The following KAZN variants were observed in gnomAD, a reference collection of about 807,000 sequenced individuals.
The protein encoded by KAZN is kazrin.
In KAZN, 40 loss-of-function variants were observed where a neutral mutation model predicts 87.4. That is an observed-to-expected ratio of 0.46 (90% CI 0.36 to 0.60). The LOEUF is 0.60. Ranked by LOEUF, KAZN falls within the 20% of genes least tolerant of loss-of-function variation. The probability of loss-of-function intolerance (pLI) is 0.00; values close to 1 mark genes in which losing one functional copy is unlikely to be tolerated. For missense variants in KAZN, 898 were observed against 1,073.9 expected, an observed-to-expected ratio of 0.84 and a Z score of 2.29; for synonymous variants, 466 against 458.3, an observed-to-expected ratio of 1.02 and a Z score of -0.22.
At chr1:13,968,611 A>G (rs1642027580) in intron 1 of KAZN, among the ~76,000 whole-genome samples, 1 of 152,200 alleles carries the variant, frequency 6.6e-6, no homozygotes, top group Non-Finnish European at 1.5e-5. Flanking sequence ...TGTGGAGGCT[A>G]ACAAGGACCT....
intron 2 of KAZN, among the ~76,000 whole-genome samples, chr1:14,260,874 G>A (rs1239691193): frequency 6.6e-6 from 1 of 152,194 alleles, no homozygotes; most frequent in African/African-American, 2.4e-5. Context: ...CTGGTAAAGT[G>A]AGGAGTTGGA....
intron 1 of KAZN, among the ~76,000 whole-genome samples, chr1:13,904,051 G>A (rs1337278724): frequency 2.6e-5 from 4 of 152,150 alleles, no homozygotes; most frequent in African/African-American, 4.8e-5. Flanking sequence ...AATGTGGAAA[G>A]GTCTATTTGG....
intron 2 of KAZN, among the ~76,000 whole-genome samples, chr1:14,501,298 C>A (rs1193899317): frequency 6.6e-6 from 1 of 151,926 alleles, no homozygotes; most frequent in Non-Finnish European, 1.5e-5. Context: ...AAAAAAGTAT[C>A]CAGATTGGAA....
At chr1:14,515,845 TCTGTTCATGC>T (rs1671270862) in intron 2 of KAZN, among the ~76,000 whole-genome samples, 1 of 152,064 alleles carries the variant, frequency 6.6e-6, no homozygotes, top group South Asian at 2.1e-4. Flanking sequence ...TGGAAATGCT[TCTGTTCATGC>T]ATTGGGTCCC....
At chr1:15,030,842 A>G (rs1270648128) in intron 2 of KAZN, among the ~76,000 whole-genome samples, 1 of 152,230 alleles carries the variant, frequency 6.6e-6, no homozygotes. Flanking sequence ...AGGAGAGGAC[A>G]GATCCAGCTG....
intron 8 of KAZN, among the ~76,000 whole-genome samples, chr1:15,083,227 G>A (rs1640089705): frequency 6.6e-6 from 1 of 152,210 alleles, no homozygotes; most frequent in Non-Finnish European, 1.5e-5. Flanking sequence ...ACTCAAGCCT[G>A]TGCAGCCCCT....
intron 1 of KAZN, among the ~76,000 whole-genome samples, chr1:14,801,119 G>A (rs1315930363): frequency 6.6e-6 from 1 of 151,968 alleles, no homozygotes; most frequent in Non-Finnish European, 1.5e-5. Context: ...AAGAGGAGCC[G>A]TTCTAATCGT....
intron 1 of KAZN, among the ~76,000 whole-genome samples, chr1:14,012,295 A>G (rs936017136): frequency 1.4e-4 from 22 of 152,248 alleles, no homozygotes; most frequent in Non-Finnish European, 2.6e-4. Flanking sequence ...CAACCACCTG[A>G]ACCAGTGTGC....
chr1:14,173,663 G>T (rs777995223), intron 1 of KAZN, among the ~76,000 whole-genome samples: 4 of 82,604 alleles, frequency 4.8e-5, no homozygotes, highest in Non-Finnish European at 1.0e-4. Context: ...TCCCCTCCCC[G>T]CCCCGCCCCG....
chr1:14,190,633 T>C (rs1408346845), intron 2 of KAZN, among the ~76,000 whole-genome samples: 3 of 152,156 alleles, frequency 2.0e-5, no homozygotes, highest in African/African-American at 7.2e-5. Flanking sequence ...GACACCAAGA[T>C]ACCTTGCATA....
Position 14,035,462 on chromosome 1 carries a change from CT to C in KAZN, c.91+141719del, listed in dbSNP as rs770587340. On this transcript the variant is annotated intron_variant, in intron 1 of 16. Transcript: ENST00000636203. The stretch of plus-strand genomic sequence containing the variant: ...GAAGTTTCTTTTGCCTTTTTTTCTT[CT>C]TTTTTTTTTTTTCTGAGACAGGTCC... 1.9e-3 allele frequency among the ~76,000 whole-genome samples: 273 copies of C among 144,188 alleles called. 2 individuals are homozygous for C. The East Asian group carries it at 0.022, about 11-fold the overall frequency. The allele number at this position is 144,188 out of a possible 152,430, so 94.6% of individuals were successfully genotyped here.
rs1423910209 is a variant in KAZN, at chr1:15,065,622, C to A, written c.1099-8C>A. On this transcript the variant is annotated splice_polypyrimidine_tract_variant and splice_region_variant and intron_variant, in intron 7 of 14. Transcript: ENST00000376030. Reference sequence around the variant, plus strand: ...CCACCCTCTTCCACGTGGCTCCTGACTCCTCAGTCACTAGAGGATCTTGAA... The same window carrying A: ...CCACCCTCTTCCACGTGGCTCCTGAATCCTCAGTCACTAGAGGATCTTGAA... 1.2e-6 allele frequency: 2 copies of A among 1,602,962 alleles called. No homozygotes were observed. The highest frequency in any genetic ancestry group is 1.7e-6 in the Non-Finnish European group (2 of 1,172,602).
At chr1:14,312,694 A>C (rs566003343) in intron 2 of KAZN, among the ~76,000 whole-genome samples, 31 of 152,204 alleles carry the variant, frequency 2.0e-4, no homozygotes, top group African/African-American at 7.0e-4. Flanking sequence ...AAGTGATGAG[A>C]TATCACTTGA....
intron 2 of KAZN, among the ~76,000 whole-genome samples, chr1:14,471,596 A>C (rs182251793): frequency 8.9e-4 from 136 of 152,300 alleles, no homozygotes; most frequent in Non-Finnish European, 1.8e-3. Flanking sequence ...CTATGTACCC[A>C]GACCACCATG....
chr1:14,656,752 C>G (rs1244097188), intron 1 of KAZN, among the ~76,000 whole-genome samples: 1 of 152,206 alleles, frequency 6.6e-6, no homozygotes. Context: ...AGCTCACTCA[C>G]TATCACGAGA....
intron 2 of KAZN, among the ~76,000 whole-genome samples, chr1:14,420,041 A>G (rs1010797813): frequency 6.6e-5 from 10 of 152,134 alleles, no homozygotes; most frequent in African/African-American, 2.4e-4. Flanking sequence ...TGATTGGTCC[A>G]TTTTACAGAG....
At chr1:14,281,844 A>G (rs1404745728) in intron 2 of KAZN, among the ~76,000 whole-genome samples, 1 of 152,214 alleles carries the variant, frequency 6.6e-6, no homozygotes, top group African/African-American at 2.4e-5. Flanking sequence ...AGACTGGTCC[A>G]GAAAACAGTT....
At chr1:14,845,852 C>T (rs186541670) in intron 1 of KAZN, among the ~76,000 whole-genome samples, 169 of 152,164 alleles carry the variant, frequency 1.1e-3, no homozygotes, top group African/African-American at 3.7e-3. Flanking sequence ...GACCTCGAGG[C>T]AAGTCGGCCC....
chr1:14,461,984 T>C (rs932622169), intron 2 of KAZN, among the ~76,000 whole-genome samples: 5 of 151,962 alleles, frequency 3.3e-5, no homozygotes, highest in African/African-American at 1.2e-4. Context: ...CCAAATTTCA[T>C]CTTGAATTAT....
Sources: gnomAD v4.1 joint callset for allele counts (sites outside exome capture counted in the v4.1 genomes callset) on GRCh38, gnomAD v4.1.1 for gene constraint, MANE v1.5 for transcripts, NCBI Gene and HGNC (gene_info 2026-07-23, HGNC 2026-07-21) for gene names.